TIMM22: variants seen among roughly 807,000 people sequenced by gnomAD.
TIMM22 encodes the protein mitochondrial import inner membrane translocase subunit Tim22.
A neutral mutation model predicts 18.3 loss-of-function variants in TIMM22; 12 were observed. The observed-to-expected ratio is 0.65, with a 90% CI of 0.42 to 1.06. The LOEUF (loss-of-function observed/expected upper bound fraction) is 1.06, where lower values mean the gene tolerates loss of function less well. Ranked by LOEUF, TIMM22 falls within the 50% of genes least tolerant of loss-of-function variation. The pLI is 0.00. For missense variants in TIMM22, 278 were observed against 252.8 expected (o/e 1.10, Z -0.68); for synonymous variants, 107 against 98.5 (o/e 1.09, Z -0.51).
chr17:997,333 A>G lies in TIMM22; in HGVS notation c.191A>G (p.Lys64Arg). 6.2e-7 allele frequency: 1 copy of G among 1,613,864 alleles called. No homozygotes were observed. The highest frequency in any genetic ancestry group is 8.5e-7 in the Non-Finnish European group (1 of 1,179,938). ...AGTGAGGAGCAGAAGATGATCGAGA[A>G]GGCGATGGAAAGCTGCGCTTTCAAG... ...AKSEEQKMIE[K>R]AMESCAFKAA... is the part of the protein sequence containing the mutation. Residue 64 changes from lysine (K) to arginine (R), a missense_variant, in exon 1 of 4, where the codon AAG (lysine) becomes AGG (arginine). Coordinates refer to ENST00000327158, the MANE Select transcript of TIMM22 (RefSeq NM_013337.4).
chr17:997,885 A>G (rs2069700253), intron 1 of TIMM22, among the ~76,000 whole-genome samples: 2 of 152,246 alleles, frequency 1.3e-5, no homozygotes, highest in African/African-American at 4.8e-5. Context: ...ATTCTCTTAA[A>G]TAATTCTTTC....
rs2069802357 is a variant in TIMM22, at chr17:1,003,399, G to A, written c.*2311G>A. On this transcript the variant is annotated 3_prime_UTR_variant, in exon 4 of 4. Transcript: ENST00000327158. ...CCGTGGGCCACAGGGAGGCTCAAGG[G>A]GAGTGAACTAGGTAAACAGATTCCT... The A allele has an allele frequency of 6.6e-6, 1 of 152,446 alleles. No individual in the cohort carries two copies. Among genetic ancestry groups the A allele is most frequent in the African/African-American group, 2.4e-5 (1 of 41,446 alleles). The allele number at this position is 152,446 out of a possible 1,614,324, so 9.4% of individuals were successfully genotyped here. A position where few individuals can be genotyped will look rare whatever the true frequency, so the allele number is the denominator to read the frequency against.
At chr17:999,232 A>G (rs1357910696) in intron 2 of TIMM22, among the ~76,000 whole-genome samples, 1 of 151,082 alleles carries the variant, frequency 6.6e-6, no homozygotes, top group Non-Finnish European at 1.5e-5. Flanking sequence ...CTTATTGGAG[A>G]GCCCCTTGAA....
intron 2 of TIMM22, among the ~76,000 whole-genome samples, 154 bp from the exon 3 acceptor site, chr17:999,358 T>TATATATATACATATACATATATAC (rs1408779709): frequency 1.5e-5 from 2 of 132,588 alleles, no homozygotes; most frequent in African/African-American, 6.4e-5. Flanking sequence ...TATATATATA[T>TATATATATACATATACATATATAC]ACACGCTGTA....
chr17:997,519 G>A, intron 1 of TIMM22, 139 bp downstream of exon 1: 1 of 810,484 alleles, frequency 1.2e-6, no homozygotes, highest in Non-Finnish European at 1.9e-6. Flanking sequence ...TTCGTGAATC[G>A]GGCGTCACCT....
intron 1 of TIMM22, among the ~76,000 whole-genome samples, chr17:997,636 A>G (rs749690533): frequency 3.9e-5 from 6 of 152,030 alleles, no homozygotes; most frequent in African/African-American, 7.3e-5. Flanking sequence ...ACACGGTGAA[A>G]CCCCGTCTCT....
chr17:999,333 A>C (rs199628800), intron 2 of TIMM22, among the ~76,000 whole-genome samples, 179 bp from the exon 3 acceptor site: 43,757 of 122,346 alleles, frequency 0.36, 8,262 homozygotes, highest in Non-Finnish European at 0.41. Context: ...CTATATATAT[A>C]TATATATATA....
Position 1,001,386 on chromosome 17 carries a change from A to G in TIMM22, c.*298A>G. 1 of 345,890 alleles carries G rather than the reference A, an allele frequency of 2.9e-6. No homozygotes were observed. The highest frequency in any genetic ancestry group is 2.5e-5 in the South Asian group (1 of 40,668). The allele number at this position is 345,890 out of a possible 1,614,324, so 21.4% of individuals were successfully genotyped here. A position where few individuals can be genotyped will look rare whatever the true frequency, so the allele number is the denominator to read the frequency against. On this transcript the variant is annotated 3_prime_UTR_variant, in exon 4 of 4. Transcript: ENST00000327158. ...TAGGAATTCAGCTCCACAAAGCTTC[A>G]GGCCTGACCACAGCTGGCCCTCTAG...
chr17:997,493 C>A, intron 1 of TIMM22, 113 bp downstream of exon 1: 2 of 1,025,738 alleles, frequency 1.9e-6, no homozygotes, highest in Non-Finnish European at 2.8e-6. Context: ...TTGACCTTGA[C>A]CACACCCTCG....
intron 1 of TIMM22, 125 bp from the exon 2 acceptor site, chr17:998,650 TTGAG>T (rs1319022688): frequency 1.3e-5 from 11 of 877,064 alleles, no homozygotes; most frequent in African/African-American, 1.7e-5. Flanking sequence ...AGTGGAGAGT[TTGAG>T]TGGCAAGAGG....
chr17:998,388 T>G (rs2069706296), intron 1 of TIMM22, among the ~76,000 whole-genome samples: 1 of 152,162 alleles, frequency 6.6e-6, no homozygotes, highest in African/African-American at 2.4e-5. Context: ...TTGTGAAGAA[T>G]GAATGAGGCT....
In TIMM22 at chr17:998,746, CAA is replaced by C. The variant is rs754769873; in HGVS notation, c.239-31_239-30del. 11 of 1,600,142 alleles carry C rather than the reference CAA, an allele frequency of 6.9e-6. No homozygotes were observed. The Middle Eastern group carries it at 8.7e-4, about 126-fold the overall frequency. The stretch of plus-strand genomic sequence containing the variant: ...CAATAGAGTAATGCAGAAAACATGC[CAA>C]AGACACCTTCATCTCTGTGTTTGCT... On this transcript the variant is annotated intron_variant, in intron 1 of 3. Coordinates refer to ENST00000327158, the MANE Select transcript of TIMM22 (RefSeq NM_013337.4).
At chr17:999,229 G>A (rs2069715482) in intron 2 of TIMM22, among the ~76,000 whole-genome samples, 1 of 151,194 alleles carries the variant, frequency 6.6e-6, no homozygotes, top group African/African-American at 2.4e-5. Context: ...AGACTTATTG[G>A]AGAGCCCCTT....
Position 998,981 on chromosome 17 carries a change from T to C in TIMM22, c.435+6T>C. 1 of 1,599,632 alleles carries C rather than the reference T, an allele frequency of 6.3e-7. No individual in the cohort carries two copies. Among genetic ancestry groups the C allele is most frequent in the Non-Finnish European group, 8.5e-7 (1 of 1,169,838 alleles). Reference sequence around the variant, plus strand: ...CTGAGTGTTTGATAGAATCTGTAAGTGTCTCTGCCTTCTAAGAAATCCTTG... The same window carrying C: ...CTGAGTGTTTGATAGAATCTGTAAGCGTCTCTGCCTTCTAAGAAATCCTTG... On this transcript the variant is annotated splice_donor_region_variant and intron_variant, in intron 2 of 3. Transcript: ENST00000327158.
At chr17:998,752 C>G in intron 1 of TIMM22, 27 bp from the exon 2 acceptor site, 1 of 1,602,918 alleles carries the variant, frequency 6.2e-7, no homozygotes, top group East Asian at 2.2e-5. Flanking sequence ...ATGCCAAAGA[C>G]ACCTTCATCT....
rs368086704 is a variant in TIMM22, at chr17:999,570, C to G, written c.494C>G (p.Ala165Gly). 1.9e-6 allele frequency: 3 copies of G among 1,613,224 alleles called. No individual in the cohort carries two copies. Among genetic ancestry groups the G allele is most frequent in the Admixed American group, 1.7e-5 (1 of 59,910 alleles). Reference protein sequence around the residue: ...SVISGCITGGAIGFRAGLKAG... With the variant: ...SVISGCITGGGIGFRAGLKAG... ...ATCAGTGGCTGCATCACGGGAGGAGCTATTGGTTTCAGAGGTTAGTAAACG... is the reference window on the plus strand; with the variant it reads ...ATCAGTGGCTGCATCACGGGAGGAGGTATTGGTTTCAGAGGTTAGTAAACG... Residue 165 changes from alanine (A) to glycine (G), a missense_variant, in exon 3 of 4, where the codon GCT becomes GGT. By Grantham distance (60) the Ala-to-Gly change is moderately conservative. Transcript: ENST00000327158.
At chr17:999,902 C>CT (rs11424083) in intron 3 of TIMM22, among the ~76,000 whole-genome samples, 40,950 of 147,660 alleles carry the variant, frequency 0.28, 5,558 homozygotes, top group Middle Eastern at 0.32. Context: ...GTTGTAACAA[C>CT]TTTTTTTTTT....
rs1264931720 is a variant in TIMM22, at chr17:997,173, T to C, written c.31T>C (p.Ser11Pro). MAAAAPNAGG[S>P]APETAGSAEA... ...GGCGGCCGCCCCCAATGCCGGAGGCTCGGCCCCTGAGACAGCGGGTTCCGC... is the reference window on the plus strand; with the variant it reads ...GGCGGCCGCCCCCAATGCCGGAGGCCCGGCCCCTGAGACAGCGGGTTCCGC... Residue 11 changes from serine (S) to proline (P), a missense_variant, in exon 1 of 4, where the codon TCG (serine) becomes CCG (proline). Coordinates refer to ENST00000327158, the MANE Select transcript of TIMM22 (RefSeq NM_013337.4). 2.4e-5 allele frequency: 38 copies of C among 1,610,666 alleles called. No homozygotes were observed. Among genetic ancestry groups the C allele is most frequent in the Non-Finnish European group, 3.1e-5 (37 of 1,179,402 alleles).
Position 999,354 on chromosome 17 carries a change from T to TACATACATAC in TIMM22, c.436-157_436-156insCATACATACA, listed in dbSNP as rs1305332032. Among the ~76,000 whole-genome samples, 20 of 112,974 alleles carry TACATACATAC rather than the reference T, an allele frequency of 1.8e-4. 1 individual carries two copies. Among genetic ancestry groups the TACATACATAC allele is most frequent in the African/African-American group, 5.9e-4 (18 of 30,746 alleles). The allele number at this position is 112,974 out of a possible 152,430, so 74.1% of individuals were successfully genotyped here. A position where few individuals can be genotyped will look rare whatever the true frequency, so the allele number is the denominator to read the frequency against. On this transcript the variant is annotated intron_variant, in intron 2 of 3. Coordinates refer to ENST00000327158, the MANE Select transcript of TIMM22 (RefSeq NM_013337.4). ...ATATATATATATATATATATATATATATATACACGCTGTATACTTAGGAAC... is the reference window on the plus strand; with the variant it reads ...ATATATATATATATATATATATATATACATACATACATATACACGCTGTATACTTAGGAAC...
Sources: allele counts gnomAD v4.1 joint callset (sites outside exome capture counted in the v4.1 genomes callset), GRCh38; gene constraint gnomAD v4.1.1; transcripts MANE v1.5; gene names NCBI Gene and HGNC (gene_info 2026-07-23, HGNC 2026-07-21).